The following KIF26B variants were observed in gnomAD, a reference collection of about 807,000 sequenced individuals.
The protein encoded by KIF26B is kinesin-like protein KIF26B.
A neutral mutation model predicts 151.2 loss-of-function variants in KIF26B; 63 were observed. That is an observed-to-expected ratio of 0.42 (90% CI 0.34 to 0.51). KIF26B has a LOEUF of 0.51. KIF26B is among the 20% of genes least tolerant of loss of function. The pLI is 0.07. For missense variants in KIF26B, 2,813 were observed against 2,913.6 expected (o/e 0.97, Z 0.79); for synonymous variants, 1,357 against 1,262.1 (o/e 1.08, Z -1.59).
At chr1:245,414,883 C>T (rs6701279) in intron 3 of KIF26B, among the ~76,000 whole-genome samples, 22,247 of 152,142 alleles carry the variant, frequency 0.15, 1,742 homozygotes, top group African/African-American at 0.17. Context: ...GTCTGGTGCT[C>T]AGGTTATTCA....
chr1:245,608,515 T>C (rs916295215), intron 7 of KIF26B, among the ~76,000 whole-genome samples: 17 of 152,098 alleles, frequency 1.1e-4, no homozygotes, highest in African/African-American at 3.6e-4. Flanking sequence ...GTGATCTGGG[T>C]TTTAATAGAA....
intron 9 of KIF26B, 78 bp downstream of exon 9, chr1:245,612,054 T>TTGTGTGTGTG (rs5782359): frequency 7.5e-5 from 51 of 677,736 alleles, no homozygotes; most frequent in African/African-American, 5.6e-4. Context: ...ACCATGACCT[T>TTGTGTGTGTG]TGTGTGTGTG....
chr1:245,248,732 G>A (rs1670384540), intron 2 of KIF26B, among the ~76,000 whole-genome samples: 2 of 152,150 alleles, frequency 1.3e-5, no homozygotes, highest in Admixed American at 1.3e-4. Flanking sequence ...AACTTGATTT[G>A]TGAGTTTATT....
intron 2 of KIF26B, among the ~76,000 whole-genome samples, chr1:245,340,852 G>A (rs915017385): frequency 4.9e-4 from 75 of 152,240 alleles, no homozygotes; most frequent in African/African-American, 1.6e-3. Flanking sequence ...CTGAGGGTGC[G>A]ACGTTTCAGC....
intron 9 of KIF26B, among the ~76,000 whole-genome samples, chr1:245,627,340 T>G (rs1433135390): frequency 2.0e-5 from 3 of 152,164 alleles, no homozygotes; most frequent in African/African-American, 7.2e-5. Context: ...GAACTCAGGA[T>G]TCAGAAACTC....
chr1:245,309,499 A>T (rs1671623596), intron 2 of KIF26B, among the ~76,000 whole-genome samples: 1 of 151,980 alleles, frequency 6.6e-6, no homozygotes, highest in African/African-American at 2.4e-5. Context: ...GAATGACGCC[A>T]TCGGGTCTCC....
chr1:245,467,949 A>G (rs1384953387), intron 4 of KIF26B, among the ~76,000 whole-genome samples: 6 of 151,742 alleles, frequency 4.0e-5, no homozygotes, highest in African/African-American at 1.5e-4. Flanking sequence ...TCTGCCTTTA[A>G]TAATGGTTTA....
rs570483056 is a variant in KIF26B at position 245,638,019 on chromosome 1, C to CT, written c.2099-8096dup. Among the ~76,000 whole-genome samples, 21 of 151,756 alleles carry CT rather than the reference C, an allele frequency of 1.4e-4. No homozygotes were observed. The South Asian group carries it at 4.2e-3, about 30-fold the overall frequency. On this transcript the variant is annotated intron_variant, in intron 9 of 14. Coordinates refer to ENST00000407071, the MANE Select transcript of KIF26B (RefSeq NM_018012.4). ...TGATTCTATAAGAATTTTAAGATTT[C>CT]TTTTTTCTATTTCTGTGAAGAATGT...
At chr1:245,643,554 A>G (rs947753690) in intron 9 of KIF26B, among the ~76,000 whole-genome samples, 1 of 152,154 alleles carries the variant, frequency 6.6e-6, no homozygotes, top group African/African-American at 2.4e-5. Context: ...ATATGTCATC[A>G]TTCACACGTT....
chr1:245,438,347 C>T (rs573541634), intron 4 of KIF26B, among the ~76,000 whole-genome samples: 2 of 152,342 alleles, frequency 1.3e-5, no homozygotes, highest in East Asian at 3.9e-4. Context: ...ACAGACACAA[C>T]TTCAAGTCCT....
intron 3 of KIF26B, among the ~76,000 whole-genome samples, chr1:245,369,772 A>T (rs1673065531): frequency 6.6e-6 from 1 of 152,124 alleles, no homozygotes; most frequent in African/African-American, 2.4e-5. Context: ...TCTTTTCCAG[A>T]TATGGTTCCT....
At chr1:245,252,074 G>A (rs1256626129) in intron 2 of KIF26B, among the ~76,000 whole-genome samples, 2 of 151,778 alleles carry the variant, frequency 1.3e-5, no homozygotes, top group African/African-American at 4.8e-5. Flanking sequence ...ACCAGTCTGG[G>A]CAACGTGGTA....
intron 2 of KIF26B, among the ~76,000 whole-genome samples, chr1:245,328,446 T>G (rs1672038331): frequency 6.6e-6 from 1 of 152,208 alleles, no homozygotes; most frequent in African/African-American, 2.4e-5. Flanking sequence ...TACCTTATAT[T>G]AGTTTTACTT....
At chr1:245,502,399 C>T (rs1413146004) in intron 4 of KIF26B, among the ~76,000 whole-genome samples, 2 of 151,948 alleles carry the variant, frequency 1.3e-5, no homozygotes, top group African/African-American at 4.8e-5. Flanking sequence ...TATTGGCGCA[C>T]GCCTGTAATC....
At chr1:245,303,906 T>C (rs1203499757) in intron 2 of KIF26B, among the ~76,000 whole-genome samples, 2 of 152,184 alleles carry the variant, frequency 1.3e-5, no homozygotes, top group Non-Finnish European at 2.9e-5. Flanking sequence ...GGTGTGAGAC[T>C]GTGAAGACAC....
intron 12 of KIF26B, among the ~76,000 whole-genome samples, chr1:245,689,712 C>T (rs962276401): frequency 2.0e-5 from 3 of 152,120 alleles, no homozygotes; most frequent in East Asian, 3.9e-4. Context: ...CGTGCACCAC[C>T]GTGCCTGGCT....
chr1:245,701,153 G>GT (rs1364007085), intron 14 of KIF26B, among the ~76,000 whole-genome samples: 2 of 152,142 alleles, frequency 1.3e-5, no homozygotes, highest in African/African-American at 4.8e-5. Flanking sequence ...AAATCACTGT[G>GT]TTTTTGATGC....
intron 4 of KIF26B, among the ~76,000 whole-genome samples, chr1:245,444,209 G>C (rs1054956263): frequency 9.0e-6 from 1 of 111,110 alleles, no homozygotes; most frequent in Non-Finnish European, 1.9e-5. Flanking sequence ...ACCTAGAGGA[G>C]AGGTCATCTC....
intron 2 of KIF26B, among the ~76,000 whole-genome samples, chr1:245,278,860 C>T (rs1670985290): frequency 6.6e-6 from 1 of 152,188 alleles, no homozygotes; most frequent in South Asian, 2.1e-4. Context: ...TGGAGACTCA[C>T]TGATCTCTTG....
Sources: gnomAD v4.1 joint callset for allele counts (sites outside exome capture counted in the v4.1 genomes callset) on GRCh38, gnomAD v4.1.1 for gene constraint, MANE v1.5 for transcripts, NCBI Gene and HGNC (gene_info 2026-07-23, HGNC 2026-07-21) for gene names.